The following CSMD1 variants were observed in gnomAD, a reference collection of about 807,000 sequenced individuals.
CSMD1 encodes CUB and sushi domain-containing protein 1.
A neutral mutation model predicts 417.5 loss-of-function variants in CSMD1; 213 were observed. The observed-to-expected ratio is 0.51, with a 90% CI of 0.46 to 0.57. CSMD1 has a LOEUF of 0.57. CSMD1 is among the 20% of genes least tolerant of loss of function. The pLI is 0.00. For synonymous variants in CSMD1, 2,862 were observed against 1,736.8 expected, an observed-to-expected ratio of 1.65 and a Z score of -16.11; for missense variants, 6,923 against 4,529.7, an observed-to-expected ratio of 1.53 and a Z score of -15.17.
chr8:3,892,434 G>A (rs1450621931), intron 5 of CSMD1, among the ~76,000 whole-genome samples: 1 of 152,088 alleles, frequency 6.6e-6, no homozygotes, highest in African/African-American at 2.4e-5. Context: ...CTTGTGAAGT[G>A]ACAGGCTTCA....
At position 4,150,275 on chromosome 8, in the gene CSMD1, A is replaced by G. The variant is rs144831663; in HGVS notation, c.416-118176T>C. On this transcript the variant is annotated intron_variant, in intron 3 of 69. Coordinates refer to ENST00000635120, the MANE Select transcript of CSMD1 (RefSeq NM_033225.6). ...TCCAGCCTGCATTCCCTTTCCCCAG[A>G]TGTAGAAGTCTCCAAGCTTCCTCAG... Among the ~76,000 whole-genome samples, 806 of 152,228 alleles carry G rather than the reference A, an allele frequency of 5.3e-3. 11 individuals are homozygous for G. The highest frequency in any genetic ancestry group is 0.018 in the African/African-American group (768 of 41,526).
chr8:3,994,810 A>T (rs759649787), intron 5 of CSMD1, among the ~76,000 whole-genome samples: 1 of 152,240 alleles, frequency 6.6e-6, no homozygotes, highest in African/African-American at 2.4e-5. Context: ...ACTCCAAATT[A>T]AATGAAAATA....
chr8:4,393,528 G>A (rs1227946577), intron 3 of CSMD1, among the ~76,000 whole-genome samples: 1 of 152,140 alleles, frequency 6.6e-6, no homozygotes, highest in South Asian at 2.1e-4. Flanking sequence ...CCTAGGCCCA[G>A]TTTCACTTGG....
At chr8:3,546,331 C>A (rs932085086) in intron 10 of CSMD1, among the ~76,000 whole-genome samples, 1 of 151,720 alleles carries the variant, frequency 6.6e-6, no homozygotes, top group Non-Finnish European at 1.5e-5. Flanking sequence ...GTCAGGAGAT[C>A]GAGACCATCT....
rs1226925430 is a variant in CSMD1, at chr8:3,983,161, C to T, written c.818+14742G>A. 4.0e-5 allele frequency among the ~76,000 whole-genome samples: 5 copies of T among 123,580 alleles called. No homozygotes were observed. The East Asian group carries it at 1.1e-3, about 28-fold the overall frequency. 81.1% of individuals were successfully genotyped at this position (123,580 alleles called of 152,430 possible). On this transcript the variant is annotated intron_variant, in intron 5 of 69. Coordinates refer to ENST00000635120, the MANE Select transcript of CSMD1 (RefSeq NM_033225.6). ...TTTTTTTTTTTTTGAGACGGACTCT[C>T]GCTCTGTCACCCAGGCTGGAGTGCA... is the stretch of plus-strand genomic sequence containing the variant.
intron 1 of CSMD1, among the ~76,000 whole-genome samples, chr8:4,736,419 G>A (rs1173797604): frequency 1.3e-5 from 2 of 152,110 alleles, no homozygotes; most frequent in Admixed American, 6.6e-5. Context: ...AGAAATTGGT[G>A]AATGAATTTG....
intron 2 of CSMD1, among the ~76,000 whole-genome samples, chr8:4,554,193 G>T (rs528454720): frequency 6.6e-6 from 1 of 152,264 alleles, no homozygotes; most frequent in South Asian, 2.1e-4. Context: ...CTGGAGTGCA[G>T]TGGAGAAATC....
At chr8:4,682,361 G>A (rs1469073817) in intron 1 of CSMD1, among the ~76,000 whole-genome samples, 1 of 152,072 alleles carries the variant, frequency 6.6e-6, no homozygotes, top group Non-Finnish European at 1.5e-5. Context: ...TAGTCAGAAT[G>A]CTGTATTTAA....
At chr8:4,933,057 G>C (rs1387461144) in intron 1 of CSMD1, among the ~76,000 whole-genome samples, 1 of 151,932 alleles carries the variant, frequency 6.6e-6, no homozygotes, top group African/African-American at 2.4e-5. Flanking sequence ...CAAGGAATCA[G>C]GTAATCAATA....
intron 18 of CSMD1, among the ~76,000 whole-genome samples, chr8:3,383,296 G>A (rs1342110906): frequency 1.3e-5 from 2 of 152,180 alleles, no homozygotes; most frequent in Non-Finnish European, 2.9e-5. Context: ...CAATAAAGCT[G>A]TTAAAATGTT....
intron 55 of CSMD1, among the ~76,000 whole-genome samples, chr8:2,978,359 C>G (rs1055997619): frequency 1.3e-5 from 2 of 152,168 alleles, no homozygotes; most frequent in Non-Finnish European, 2.9e-5. Context: ...GCATCATTGT[C>G]CAAGTGGCAT....
chr8:4,355,355 T>TAC (rs1206584506), intron 3 of CSMD1, among the ~76,000 whole-genome samples: 2 of 151,842 alleles, frequency 1.3e-5, no homozygotes, highest in Middle Eastern at 3.4e-3. Flanking sequence ...ATGATATATA[T>TAC]ACACACACAC....
Position 4,761,836 on chromosome 8 carries a change from CATCTATCTATCTATCT to C in CSMD1, c.86-124294_86-124279del, listed in dbSNP as rs72078338. Among the ~76,000 whole-genome samples the C allele has an allele frequency of 7.1e-3, 845 of 119,056 alleles. 3 individuals are homozygous for C. Among genetic ancestry groups the C allele is most frequent in the Admixed American group, 9.1e-3 (111 of 12,218 alleles). 78.1% of individuals were successfully genotyped at this position (119,056 alleles called of 152,430 possible). A position where few individuals can be genotyped will look rare whatever the true frequency, so the allele number is the denominator to read the frequency against. On this transcript the variant is annotated intron_variant, in intron 1 of 69. Coordinates refer to ENST00000635120, the MANE Select transcript of CSMD1 (RefSeq NM_033225.6). ...AATAAAATAGCAAAATAGTACCATG[CATCTATCTATCTATCT>C]ATCTATCTATCTATCTATCTATCTA... is the stretch of plus-strand genomic sequence containing the variant.
intron 10 of CSMD1, among the ~76,000 whole-genome samples, chr8:3,500,093 T>C (rs937733232): frequency 1.3e-5 from 2 of 151,824 alleles, no homozygotes; most frequent in African/African-American, 4.8e-5. Context: ...CAATCGGGAG[T>C]CCTTTTTTGG....
Position 4,061,982 on chromosome 8 carries a change from C to G in CSMD1, c.416-29883G>C, listed in dbSNP as rs779131970. ...TCTTAGTCAGGGGATGCCAAACCCC[C>G]TGCTGCCCTGTCTGAGAGGTCAAGG... On this transcript the variant is annotated intron_variant, in intron 3 of 69. Coordinates refer to ENST00000635120, the MANE Select transcript of CSMD1 (RefSeq NM_033225.6). Among the ~76,000 whole-genome samples the G allele has an allele frequency of 1.1e-4, 16 of 152,234 alleles. 1 individual carries two copies. Among genetic ancestry groups the G allele is most frequent in the South Asian group, 6.2e-4 (3 of 4,824 alleles).
At chr8:4,066,366 G>C (rs933461969) in intron 3 of CSMD1, among the ~76,000 whole-genome samples, 3 of 152,128 alleles carry the variant, frequency 2.0e-5, no homozygotes, top group Admixed American at 6.5e-5. Context: ...GTATTTCTAA[G>C]TCCCACTCAG....
At chr8:3,794,257 G>C (rs573575990) in intron 5 of CSMD1, among the ~76,000 whole-genome samples, 1 of 152,160 alleles carries the variant, frequency 6.6e-6, no homozygotes, top group African/African-American at 2.4e-5. Flanking sequence ...GATGTTGATG[G>C]CCTGCAGCTA....
At position 3,644,485 on chromosome 8, in the gene CSMD1, G is replaced by A. The variant is rs899262929; in HGVS notation, c.1010-27688C>T. On this transcript the variant is annotated intron_variant, in intron 7 of 69. Coordinates refer to ENST00000635120, the MANE Select transcript of CSMD1 (RefSeq NM_033225.6). ...ACTCTATGTGCTCCTTGGACATCAA[G>A]GCTTTTGCTCTGATTAGCAAAAAGA... Among the ~76,000 whole-genome samples the A allele has an allele frequency of 2.0e-5, 3 of 152,288 alleles. No individual in the cohort carries two copies. The East Asian group carries it at 5.8e-4, about 29-fold the overall frequency.
At chr8:4,607,310 G>T (rs1453721945) in intron 2 of CSMD1, among the ~76,000 whole-genome samples, 3 of 152,008 alleles carry the variant, frequency 2.0e-5, no homozygotes, top group Admixed American at 6.6e-5. Context: ...GCATTTGAAC[G>T]TATCAGAATG....
Sources: allele counts gnomAD v4.1 joint callset (sites outside exome capture counted in the v4.1 genomes callset), GRCh38; gene constraint gnomAD v4.1.1; transcripts MANE v1.5; gene names NCBI Gene and HGNC (gene_info 2026-07-23, HGNC 2026-07-21).